SLC26A4: variants seen among roughly 807,000 people sequenced by gnomAD.
SLC26A4 encodes the protein solute carrier family 26 member 4, also known as pendrin.
Under a neutral mutation model 90.4 loss-of-function variants are expected in SLC26A4, and 93 were observed. The ratio of observed to expected loss-of-function variants is 1.03; its 90% CI spans 0.87 to 1.22. The LOEUF (loss-of-function observed/expected upper bound fraction) is 1.22, where lower values mean the gene tolerates loss of function less well. SLC26A4 is among the 50% of genes most tolerant of loss of function. The pLI is 0.00. For missense variants in SLC26A4, 1,127 were observed against 946.2 expected (o/e 1.19, Z -2.51); for synonymous variants, 393 against 354.6 (o/e 1.11, Z -1.22).
Position 107,661,943 on chromosome 7 carries a change from C to T in SLC26A4, c.164+138C>T, listed in dbSNP as rs1479748377. 2 of 957,608 alleles carry T rather than the reference C, an allele frequency of 2.1e-6. No homozygotes were observed. Among genetic ancestry groups the T allele is most frequent in the African/African-American group, 3.3e-5 (2 of 60,176 alleles). The allele number at this position is 957,608 out of a possible 1,614,324, so 59.3% of individuals were successfully genotyped here. On this transcript the variant is annotated intron_variant, in intron 2 of 20. Coordinates refer to ENST00000644269, the MANE Select transcript of SLC26A4 (RefSeq NM_000441.2). This position sits in a 1 kb window ranked among gnomAD's most constrained non-coding sequence, Gnocchi z 5.1. ...GCGCCAGCTGCTTCTCCCAGAGGCC[C>T]GACTTTCGGTCTCCGGTCCTCCACG...
In SLC26A4 at chr7:107,661,848, C is replaced by A. The variant is rs1460944730; in HGVS notation, c.164+43C>A. ...CTGCGTAGAGAGAAGCGGAGCGGGG[C>A]GTCCACGCCTTGGGGAGGGAAGGGC... is the stretch of plus-strand genomic sequence containing the variant. On this transcript the variant is annotated intron_variant, in intron 2 of 20. Coordinates refer to ENST00000644269, the MANE Select transcript of SLC26A4 (RefSeq NM_000441.2). This position sits in a 1 kb window ranked among gnomAD's most constrained non-coding sequence, Gnocchi z 5.1. The A allele has an allele frequency of 5.9e-6, 9 of 1,520,218 alleles. No homozygotes were observed. Among genetic ancestry groups the A allele is most frequent in the Non-Finnish European group, 6.2e-6 (7 of 1,136,458 alleles). The allele number at this position is 1,520,218 out of a possible 1,614,324, so 94.2% of individuals were successfully genotyped here.
chr7:107,683,227 T>C lies in SLC26A4; in HGVS notation c.791T>C (p.Ile264Thr). The change falls in exon 7 of 21, where the codon ATT becomes ACT. Residue 264 changes from isoleucine to threonine, a missense_variant. Coordinates refer to ENST00000644269, the MANE Select transcript of SLC26A4 (RefSeq NM_000441.2). ...ACGCTGGTTGAGATTTTTCAAAATA[T>C]TGGTGATACCAATCTTGCTGATTTC... ...IYTLVEIFQN[I>T]GDTNLADFTA... is the part of the protein sequence containing the mutation. 1 of 1,612,598 alleles carries C rather than the reference T, an allele frequency of 6.2e-7. No homozygotes were observed. Among genetic ancestry groups the C allele is most frequent in the South Asian group, 1.1e-5 (1 of 91,010 alleles).
intron 8 of SLC26A4, 98 bp downstream of exon 8, chr7:107,683,635 T>TA: frequency 1.1e-6 from 1 of 906,228 alleles, no homozygotes; most frequent in South Asian, 1.5e-5. Flanking sequence ...ATTTCACTGA[T>TA]ACTCCTTCAA....
chr7:107,715,563 G>A lies in SLC26A4; in HGVS notation c.*117G>A. ...TTTTTTCTATTAAGCCATTGAAAGA[G>A]AAGCACTAAGACTGCTTCTAGGCTT... On this transcript the variant is annotated 3_prime_UTR_variant, in exon 21 of 21. Coordinates refer to ENST00000644269, the MANE Select transcript of SLC26A4 (RefSeq NM_000441.2). The A allele has an allele frequency of 1.2e-6, 1 of 846,304 alleles. No homozygotes were observed. The highest frequency in any genetic ancestry group is 2.1e-6 in the Non-Finnish European group (1 of 479,756). 52.4% of individuals were successfully genotyped at this position (846,304 alleles called of 1,614,324 possible).
Position 107,683,293 on chromosome 7 carries a change from A to T in SLC26A4, c.857A>T (p.Lys286Met). The change falls in exon 7 of 21, where the codon AAG becomes ATG. Residue 286 changes from lysine to methionine, a missense_variant. Physicochemically the swap from Lys to Met is moderately conservative, Grantham distance 95 (BLOSUM62 -1). Coordinates refer to ENST00000644269, the MANE Select transcript of SLC26A4 (RefSeq NM_000441.2). ...LLTIVVCMAV[K>M]ELNDRFRHKI... is the part of the protein sequence containing the mutation. ...ACCATTGTCGTCTGTATGGCAGTTA[A>T]GGAATTAAATGATCGGTTTAGACAC... The T allele has an allele frequency of 4.3e-6, 7 of 1,613,694 alleles. No homozygotes were observed. The highest frequency in any genetic ancestry group is 5.1e-6 in the Non-Finnish European group (6 of 1,179,744).
intron 18 of SLC26A4, among the ~76,000 whole-genome samples, chr7:107,705,799 T>C (rs2129319091): frequency 6.6e-6 from 1 of 152,362 alleles, no homozygotes; most frequent in South Asian, 2.1e-4. Context: ...CTGACAGTCT[T>C]GGAGCTGTCT....
intron 3 of SLC26A4, among the ~76,000 whole-genome samples, chr7:107,668,723 G>T (rs1461951763): frequency 6.6e-6 from 1 of 152,110 alleles, no homozygotes; most frequent in Non-Finnish European, 1.5e-5. Flanking sequence ...GTATTTGTTT[G>T]TTTAAACAAC....
chr7:107,666,107 A>C (rs567360779), intron 3 of SLC26A4, among the ~76,000 whole-genome samples: 4 of 152,186 alleles, frequency 2.6e-5, no homozygotes, highest in Non-Finnish European at 5.9e-5. Flanking sequence ...AATTATTTTG[A>C]GGGGTAGGGA....
At chr7:107,666,124 T>G (rs1027048262) in intron 3 of SLC26A4, among the ~76,000 whole-genome samples, 3 of 152,176 alleles carry the variant, frequency 2.0e-5, no homozygotes, top group African/African-American at 7.2e-5. Flanking sequence ...GGGATGGGAA[T>G]TAAATAAGTA....
chr7:107,689,197 C>G lies in SLC26A4; in HGVS notation c.1146C>G (p.Asn382Lys), dbSNP rs780791787. ...AGTATGATTACACCATCGATGGGAACCAGGTATGGGTGCCCTTTTGCTGAA... is the reference window on the plus strand; with the variant it reads ...AGTATGATTACACCATCGATGGGAAGCAGGTATGGGTGCCCTTTTGCTGAA... Reference protein sequence around the residue: ...ATKYDYTIDGNQEFIAFGISN... With the variant: ...ATKYDYTIDGKQEFIAFGISN... Residue 382 changes from asparagine to lysine, a missense_variant, in exon 9 of 21, where the codon AAC becomes AAG. By Grantham distance (94) the Asn-to-Lys change is moderately conservative. Transcript: ENST00000644269. 6.2e-7 allele frequency: 1 copy of G among 1,613,402 alleles called. No homozygotes were observed. The highest frequency in any genetic ancestry group is 8.5e-7 in the Non-Finnish European group (1 of 1,179,656).
At chr7:107,702,603 C>T (rs531831054) in intron 17 of SLC26A4, among the ~76,000 whole-genome samples, 32 of 150,422 alleles carry the variant, frequency 2.1e-4, no homozygotes, top group Admixed American at 4.7e-4. Flanking sequence ...GCAGGAGAAT[C>T]GCTTGAACCC....
At chr7:107,704,460 C>A in intron 18 of SLC26A4, 75 bp downstream of exon 18, 3 of 682,708 alleles carry the variant, frequency 4.4e-6, no homozygotes, top group South Asian at 1.6e-5. Flanking sequence ...ACTGTGGTCA[C>A]ATTATGTCTG....
intron 10 of SLC26A4, chr7:107,693,495 T>C: frequency 1.0e-6 from 1 of 985,500 alleles, no homozygotes; most frequent in Non-Finnish European, 1.2e-6. Flanking sequence ...TTCCCAGTTG[T>C]TTCCTCTCTG....
chr7:107,708,114 C>T (rs1238311274), intron 18 of SLC26A4, among the ~76,000 whole-genome samples: 1 of 152,176 alleles, frequency 6.6e-6, no homozygotes, highest in Non-Finnish European at 1.5e-5. Flanking sequence ...ATTGTTCCAA[C>T]ACATAGGCCC....
intron 18 of SLC26A4, among the ~76,000 whole-genome samples, chr7:107,708,879 T>C (rs372543470): frequency 6.6e-6 from 1 of 152,174 alleles, no homozygotes; most frequent in East Asian, 1.9e-4. Context: ...TGGAGATTAC[T>C]TAGATTCCTT....
rs1361187269 is a variant in SLC26A4, at chr7:107,661,596, G to A, written c.-3-43G>A. On this transcript the variant is annotated intron_variant, in intron 1 of 20. Coordinates refer to ENST00000644269, the MANE Select transcript of SLC26A4 (RefSeq NM_000441.2). The surrounding 1 kb of genome is among the most constrained non-coding windows in gnomAD (Gnocchi z 5.1). ...TCGCTCTTCCCCTCCGATCGTCCTCGCTTACCGCGTGTCCTCCCTCCTCGC... is the reference window on the plus strand; with the variant it reads ...TCGCTCTTCCCCTCCGATCGTCCTCACTTACCGCGTGTCCTCCCTCCTCGC... The A allele has an allele frequency of 6.5e-7, 1 of 1,537,674 alleles. No individual in the cohort carries two copies. Among genetic ancestry groups the A allele is most frequent in the African/African-American group, 1.4e-5 (1 of 73,298 alleles).
chr7:107,672,188 T>C lies in SLC26A4; in HGVS notation c.355T>C (p.Ser119Pro). 1.2e-6 allele frequency: 2 copies of C among 1,613,340 alleles called. No individual in the cohort carries two copies. The highest frequency in any genetic ancestry group is 1.7e-5 in the Admixed American group (1 of 60,002). The change falls in exon 4 of 21, where the codon TCT becomes CCT. Residue 119 changes from serine (S) to proline (P), a missense_variant. Ser to Pro is a moderately conservative substitution (Grantham distance 74). Transcript: ENST00000644269. ...AAVPVGYGLY[S>P]AFFPILTYFI... is the part of the protein sequence containing the mutation. Reference sequence around the variant, plus strand: ...AGTTCCTGTCGGATATGGTCTCTACTCTGCTTTTTTCCCTATCCTGACATA... The same window carrying C: ...AGTTCCTGTCGGATATGGTCTCTACCCTGCTTTTTTCCCTATCCTGACATA...
chr7:107,692,401 A>G (rs948072935), intron 10 of SLC26A4, among the ~76,000 whole-genome samples: 2 of 152,174 alleles, frequency 1.3e-5, no homozygotes, highest in Non-Finnish European at 2.9e-5. Context: ...CATCTACAAA[A>G]TGGAAATGAT....
intron 18 of SLC26A4, 128 bp from the exon 19 acceptor site, chr7:107,709,926 G>A (rs55820231): frequency 6.6e-5 from 47 of 714,182 alleles, no homozygotes; most frequent in Middle Eastern, 7.6e-4. Flanking sequence ...AACTTGGGAC[G>A]CGGAGGTTGC....
Sources: gnomAD v4.1 joint callset for allele counts (sites outside exome capture counted in the v4.1 genomes callset) on GRCh38, gnomAD v4.1.1 for gene constraint, Gnocchi (gnomAD v3.1) non-coding constraint, MANE v1.5 for transcripts, NCBI Gene and HGNC (gene_info 2026-07-23, HGNC 2026-07-21) for gene names.